Variants in ZKSCAN2 observed in about 807,000 individuals in gnomAD.
The protein encoded by ZKSCAN2 is zinc finger protein with KRAB and SCAN domains 2.
ZKSCAN2 carries 38 observed loss-of-function variants against 90.5 expected under a neutral mutation model. The ratio of observed to expected loss-of-function variants is 0.42; its 90% CI spans 0.32 to 0.55. The LOEUF is 0.55. Among genes scored for constraint, ZKSCAN2 ranks in the 20% least tolerant of loss-of-function variants. The pLI is 0.11. For missense variants in ZKSCAN2, 1,167 were observed against 1,202.6 expected, an observed-to-expected ratio of 0.97 and a Z score of 0.44; for synonymous variants, 429 against 421.6, an observed-to-expected ratio of 1.02 and a Z score of -0.22.
At position 25,256,877 on chromosome 16, in the gene ZKSCAN2, A is replaced by G; in HGVS notation, c.251T>C (p.Ile84Thr). Residue 84 changes from isoleucine (I) to threonine (T), a missense_variant, in exon 1 of 7, where the codon ATA (isoleucine) becomes ACA (threonine). Transcript: ENST00000328086. ...LKPEMRSKEQ[I>T]LELLVIEQFL... is the part of the protein sequence containing the mutation. ...CTGCTCAATCACCAGCAGCTCAAGTATTTGCTCCTTGGAACGCATTTCTGG... is the reference window on the plus strand; with the variant it reads ...CTGCTCAATCACCAGCAGCTCAAGTGTTTGCTCCTTGGAACGCATTTCTGG... 1 of 1,614,114 alleles carries G rather than the reference A, an allele frequency of 6.2e-7. No homozygotes were observed. The highest frequency in any genetic ancestry group is 8.5e-7 in the Non-Finnish European group (1 of 1,180,018).
chr16:25,252,063 C>T, intron 3 of ZKSCAN2, 28 bp from the exon 4 acceptor site: 1 of 1,612,234 alleles, frequency 6.2e-7, no homozygotes, highest in Non-Finnish European at 8.5e-7. Flanking sequence ...CCAATGACTA[C>T]CAAGATAACT....
chr16:25,255,722 C>T (rs571988586), intron 1 of ZKSCAN2, among the ~76,000 whole-genome samples: 84 of 152,326 alleles, frequency 5.5e-4, no homozygotes, highest in Non-Finnish European at 9.8e-4. Flanking sequence ...GCTGGGATTA[C>T]AGGCATGCAC....
At chr16:25,253,113 T>C (rs1273964296) in intron 2 of ZKSCAN2, 76 bp from the exon 3 acceptor site, 6 of 1,131,526 alleles carry the variant, frequency 5.3e-6, no homozygotes, top group African/African-American at 1.5e-5. Flanking sequence ...TTTTAAGAGA[T>C]GAGTATGTAT....
intron 1 of ZKSCAN2, 109 bp downstream of exon 1, chr16:25,256,620 A>G: frequency 7.9e-7 from 1 of 1,260,666 alleles, no homozygotes; most frequent in Non-Finnish European, 1.1e-6. Context: ...TTTTATTAGT[A>G]CCATTTATCT....
At chr16:25,251,392 G>A (rs1176110080) in intron 4 of ZKSCAN2, among the ~76,000 whole-genome samples, 1 of 152,008 alleles carries the variant, frequency 6.6e-6, no homozygotes, top group Admixed American at 6.6e-5. Flanking sequence ...ATTTTCGTAA[G>A]TATTTATTGA....
chr16:25,252,384 G>A (rs1432423323), intron 3 of ZKSCAN2, among the ~76,000 whole-genome samples: 5 of 152,014 alleles, frequency 3.3e-5, no homozygotes, highest in African/African-American at 1.2e-4. Context: ...ATATACTCTT[G>A]TGGGGAGTAT....
Position 25,257,209 on chromosome 16 carries a change from C to G in ZKSCAN2, c.-82G>C. The G allele has an allele frequency of 6.6e-7, 1 of 1,505,124 alleles. No individual in the cohort carries two copies. Among genetic ancestry groups the G allele is most frequent in the Non-Finnish European group, 8.8e-7 (1 of 1,133,034 alleles). 93.2% of individuals were successfully genotyped at this position (1,505,124 alleles called of 1,614,324 possible). ...TCCAAGCGCTCCCTGCTTAATGTTC[C>G]TGGGAGTGTGATAAGGTACGGAGGT... On this transcript the variant is annotated 5_prime_UTR_variant, in exon 1 of 7. Coordinates refer to ENST00000328086, the MANE Select transcript of ZKSCAN2 (RefSeq NM_001012981.5).
At chr16:25,246,003 T>C (rs952713839) in intron 5 of ZKSCAN2, among the ~76,000 whole-genome samples, 3 of 152,200 alleles carry the variant, frequency 2.0e-5, no homozygotes, top group Non-Finnish European at 4.4e-5. Context: ...CAGTTATTAA[T>C]TGGCGATTTA....
At chr16:25,252,861 T>A in intron 3 of ZKSCAN2, 85 bp downstream of exon 3, 1 of 1,115,128 alleles carries the variant, frequency 9.0e-7, no homozygotes, top group Admixed American at 1.7e-5. Flanking sequence ...GTGGTTGCAG[T>A]GAGCTGAGAT....
rs1223022338 is a variant in ZKSCAN2, at chr16:25,257,288, A to C, written c.-161T>G. Reference sequence around the variant, plus strand: ...TATTCCAGGCTGATTAATCAAATCTATGCCAGGCCCTTGAAAAGGTGAACG... The same window carrying C: ...TATTCCAGGCTGATTAATCAAATCTCTGCCAGGCCCTTGAAAAGGTGAACG... On this transcript the variant is annotated 5_prime_UTR_variant, in exon 1 of 7. Transcript: ENST00000328086. 17 of 1,443,932 alleles carry C rather than the reference A, an allele frequency of 1.2e-5. No individual in the cohort carries two copies. The highest frequency in any genetic ancestry group is 1.5e-5 in the Non-Finnish European group (17 of 1,105,402). 89.4% of individuals were successfully genotyped at this position (1,443,932 alleles called of 1,614,324 possible).
At chr16:25,253,260 C>A (rs1963047718) in intron 2 of ZKSCAN2, among the ~76,000 whole-genome samples, 1 of 152,082 alleles carries the variant, frequency 6.6e-6, no homozygotes, top group Non-Finnish European at 1.5e-5. Flanking sequence ...ATGAAGGGGA[C>A]CAGGTAAGGA....
At chr16:25,256,622 C>G (rs1296592979) in intron 1 of ZKSCAN2, 107 bp downstream of exon 1, 1 of 1,285,942 alleles carries the variant, frequency 7.8e-7, no homozygotes, top group Admixed American at 2.3e-5. Context: ...TTATTAGTAC[C>G]ATTTATCTTT....
chr16:25,257,161 C>T lies in ZKSCAN2; in HGVS notation c.-34G>A. On this transcript the variant is annotated 5_prime_UTR_variant, in exon 1 of 7. Transcript: ENST00000328086. ...CCAGGGGTCAACTTCACGTCTAGCTCAAGGTGGGGACCCAAAGAAGACTCC... is the reference window on the plus strand; with the variant it reads ...CCAGGGGTCAACTTCACGTCTAGCTTAAGGTGGGGACCCAAAGAAGACTCC... 2 of 1,548,888 alleles carry T rather than the reference C, an allele frequency of 1.3e-6. No individual in the cohort carries two copies. Among genetic ancestry groups the T allele is most frequent in the South Asian group, 1.2e-5 (1 of 80,340 alleles).
intron 6 of ZKSCAN2, among the ~76,000 whole-genome samples, chr16:25,242,947 G>A (rs1031953675): frequency 1.5e-4 from 23 of 152,238 alleles, no homozygotes; most frequent in African/African-American, 4.3e-4. Flanking sequence ...GGGAAGAGCC[G>A]TGGTGTGGTA....
At position 25,246,905 on chromosome 16, in the gene ZKSCAN2, G is replaced by A. The variant is rs759231746; in HGVS notation, c.1291C>T (p.Arg431Cys). The A allele has an allele frequency of 7.4e-6, 12 of 1,614,062 alleles. No homozygotes were observed. Among genetic ancestry groups the A allele is most frequent in the African/African-American group, 1.3e-5 (1 of 74,908 alleles). The change falls in exon 5 of 7, where the codon CGT (arginine) becomes TGT (cysteine). Residue 431 changes from arginine to cysteine, a missense_variant. Physicochemically the swap from Arg to Cys is radical, Grantham distance 180 (BLOSUM62 -3). Transcript: ENST00000328086. ...DMDALLNPAA[R>C]APSTDKPKEM... Reference sequence around the variant, plus strand: ...TTTGGTTTATCAGTGGACGGAGCACGGGCTGCAGGGTTCAACAAAGCATCC... The same window carrying A: ...TTTGGTTTATCAGTGGACGGAGCACAGGCTGCAGGGTTCAACAAAGCATCC...
At chr16:25,256,422 A>G (rs1345723835) in intron 1 of ZKSCAN2, among the ~76,000 whole-genome samples, 1 of 151,576 alleles carries the variant, frequency 6.6e-6, no homozygotes, top group African/African-American at 2.4e-5. Flanking sequence ...GCAAAACCAT[A>G]TTGTTCTCTT....
chr16:25,238,250 A>C lies in ZKSCAN2; in HGVS notation c.*1566T>G, dbSNP rs535576015. On this transcript the variant is annotated 3_prime_UTR_variant, in exon 7 of 7. Transcript: ENST00000328086. Reference sequence around the variant, plus strand: ...AGAAAGGGAGAGAGAAGAGCAAAATAATCACCCACAAACAGCCCTAACTCC... The same window carrying C: ...AGAAAGGGAGAGAGAAGAGCAAAATCATCACCCACAAACAGCCCTAACTCC... 2.6e-5 allele frequency: 4 copies of C among 152,434 alleles called. No individual in the cohort carries two copies. The South Asian group carries it at 6.2e-4, about 24-fold the overall frequency. The allele number at this position is 152,434 out of a possible 1,614,324, so 9.4% of individuals were successfully genotyped here.
chr16:25,236,574 G>C lies in ZKSCAN2; in HGVS notation c.*3242C>G, dbSNP rs1455938267. The C allele has an allele frequency of 1.3e-5, 2 of 152,230 alleles. No individual in the cohort carries two copies. Among genetic ancestry groups the C allele is most frequent in the Admixed American group, 6.5e-5 (1 of 15,276 alleles). 9.4% of individuals were successfully genotyped at this position (152,230 alleles called of 1,614,324 possible). A position where few individuals can be genotyped will look rare whatever the true frequency, so the allele number is the denominator to read the frequency against. On this transcript the variant is annotated 3_prime_UTR_variant, in exon 7 of 7. Coordinates refer to ENST00000328086, the MANE Select transcript of ZKSCAN2 (RefSeq NM_001012981.5). ...CAGATGAGGAGCCGAGGCCCAGAGA[G>C]GCTATGATGTGTCAAACAACACTCA...
intron 6 of ZKSCAN2, among the ~76,000 whole-genome samples, chr16:25,241,695 G>T (rs1478239373): frequency 6.6e-6 from 1 of 152,142 alleles, no homozygotes; most frequent in African/African-American, 2.4e-5. Context: ...GTTAATCCTT[G>T]TTCTTAAGCA....
Sources: gnomAD v4.1 joint callset for allele counts (sites outside exome capture counted in the v4.1 genomes callset) on GRCh38, gnomAD v4.1.1 for gene constraint, MANE v1.5 for transcripts, NCBI Gene and HGNC (gene_info 2026-07-23, HGNC 2026-07-21) for gene names.